Variants in FUT8 observed in about 807,000 individuals in gnomAD.
FUT8 encodes fucosyltransferase 8, also known as alpha-(1,6)-fucosyltransferase.
A neutral mutation model predicts 71.3 loss-of-function variants in FUT8; 29 were observed. The observed-to-expected ratio is 0.41, with a 90% CI of 0.30 to 0.55. The LOEUF (loss-of-function observed/expected upper bound fraction) is 0.55, where lower values mean the gene tolerates loss of function less well. Among genes scored for constraint, FUT8 ranks in the 20% least tolerant of loss-of-function variants. The pLI, the probability that FUT8 is intolerant of heterozygous loss-of-function variation, is 0.34. For missense variants in FUT8, 544 were observed against 702.1 expected (o/e 0.77, Z 2.55); for synonymous variants, 254 against 239.3 (o/e 1.06, Z -0.57).
At chr14:65,738,412 C>T (rs1269749006) in intron 10 of FUT8, among the ~76,000 whole-genome samples, 2 of 151,988 alleles carry the variant, frequency 1.3e-5, no homozygotes, top group African/African-American at 4.8e-5. Flanking sequence ...GGATTCCTCC[C>T]CCTTTTTAAA....
At position 65,677,153 on chromosome 14, in the gene FUT8, C is replaced by CGCGT. The variant is rs1228622576; in HGVS notation, c.835+7676_835+7677insTGCG. On this transcript the variant is annotated intron_variant, in intron 7 of 10. Transcript: ENST00000673929. The stretch of plus-strand genomic sequence containing the variant: ...GTGTGTGTGTGTGTGTGTGTGTGTG[C>CGCGT]GCGCGCGCATGCGCGCGCACGTATG... 2.9e-4 allele frequency among the ~76,000 whole-genome samples: 19 copies of CGCGT among 64,770 alleles called. No homozygotes were observed. The South Asian group carries it at 5.2e-3, about 18-fold the overall frequency. 42.5% of individuals were successfully genotyped at this position (64,770 alleles called of 152,430 possible).
upstream of FUT8, chr14:65,411,872 T>G (rs1005538118): frequency 5.5e-6 from 2 of 365,128 alleles, no homozygotes; most frequent in African/African-American, 4.3e-5. Flanking sequence ...CGCGACTACT[T>G]TGTGTGCTGG....
rs138460626 is a variant in FUT8, at chr14:65,598,207, G to A, written c.204-17771G>A. Among the ~76,000 whole-genome samples the A allele has an allele frequency of 2.9e-3, 434 of 152,150 alleles. 5 individuals carry two copies. The highest frequency in any genetic ancestry group is 9.5e-3 in the African/African-American group (395 of 41,518). Reference sequence around the variant, plus strand: ...TATTATGTAACAGTCATACAGTTTGGCTGTATTTACTAAAAAAAAATTTTT... The same window carrying A: ...TATTATGTAACAGTCATACAGTTTGACTGTATTTACTAAAAAAAAATTTTT... On this transcript the variant is annotated intron_variant, in intron 3 of 10. Transcript: ENST00000673929.
chr14:65,508,123 A>G (rs1224006138), intron 2 of FUT8, among the ~76,000 whole-genome samples: 3 of 141,262 alleles, frequency 2.1e-5, no homozygotes, highest in Admixed American at 7.6e-5. Context: ...GCTGGAGTGC[A>G]GTAGCATGAT....
chr14:65,412,293 C>T (rs764805796), upstream of FUT8: 5 of 456,724 alleles, frequency 1.1e-5, 1 homozygote, highest in South Asian at 6.2e-5. Flanking sequence ...GCAGCGCGCA[C>T]CCCTAAAAGT....
chr14:65,734,494 G>A (rs1046689147), intron 10 of FUT8, among the ~76,000 whole-genome samples: 3 of 152,128 alleles, frequency 2.0e-5, no homozygotes, highest in Admixed American at 6.5e-5. Flanking sequence ...CACAGAACAC[G>A]TAGCAGCAAT....
At chr14:65,675,269 T>C (rs1406429032) in intron 7 of FUT8, among the ~76,000 whole-genome samples, 1 of 152,248 alleles carries the variant, frequency 6.6e-6, no homozygotes. Flanking sequence ...TTTTCGTGTT[T>C]ATCCTGTAAG....
chr14:65,629,709 A>T, intron 6 of FUT8, 103 bp downstream of exon 6: 1 of 745,300 alleles, frequency 1.3e-6, no homozygotes, highest in Non-Finnish European at 2.3e-6. Context: ...TGGCCCTTGA[A>T]AATCAGTACT....
chr14:65,373,854 C>G, the FUT8 span, among the ~76,000 whole-genome samples: 1 of 152,222 alleles, frequency 6.6e-6, no homozygotes, highest in Admixed American at 6.5e-5. Context: ...CACCATCCGT[C>G]CGTCTTTCTT....
At chr14:65,719,878 A>G (rs1895323955) in intron 7 of FUT8, among the ~76,000 whole-genome samples, 1 of 152,112 alleles carries the variant, frequency 6.6e-6, no homozygotes, top group African/African-American at 2.4e-5. Context: ...TTTTGTGGCT[A>G]CCACCACTGG....
In FUT8 at chr14:65,729,034, G is replaced by GTTTTTTTTTTT. The variant is rs557668131; in HGVS notation, c.1260-4185_1260-4175dup. On this transcript the variant is annotated intron_variant, in intron 9 of 10. Transcript: ENST00000673929. Reference sequence around the variant, plus strand: ...TTGCTAAAATAGTCATTGTAAACATGTTTTTTTTTTTTTTTTTTTTTTGCT... The same window carrying GTTTTTTTTTTT: ...TTGCTAAAATAGTCATTGTAAACATGTTTTTTTTTTTTTTTTTTTTTTTTTTTTTTTTTGCT... Among the ~76,000 whole-genome samples the GTTTTTTTTTTT allele has an allele frequency of 3.9e-5, 4 of 103,664 alleles. 1 individual carries two copies. Among genetic ancestry groups the GTTTTTTTTTTT allele is most frequent in the Non-Finnish European group, 5.5e-5 (3 of 54,262 alleles). 68.0% of individuals were successfully genotyped at this position (103,664 alleles called of 152,430 possible).
intron 3 of FUT8, among the ~76,000 whole-genome samples, chr14:65,601,951 T>TA (rs1314675894): frequency 6.6e-6 from 1 of 152,136 alleles, no homozygotes; most frequent in Non-Finnish European, 1.5e-5. Context: ...ACCTTTTTTT[T>TA]ATCTTTTGAA....
intron 2 of FUT8, among the ~76,000 whole-genome samples, chr14:65,529,732 T>C (rs1381676850): frequency 1.3e-5 from 2 of 152,248 alleles, no homozygotes; most frequent in Non-Finnish European, 1.5e-5. Context: ...AGAGGCATGC[T>C]CAGTGGCAGC....
At chr14:65,360,607 C>G in the FUT8 span, among the ~76,000 whole-genome samples, 1 of 152,326 alleles carries the variant, frequency 6.6e-6, no homozygotes, top group Non-Finnish European at 1.5e-5. Context: ...GAGCTCTGCA[C>G]TGGATAATGA....
At chr14:65,431,538 C>T (rs531436691) in intron 1 of FUT8, among the ~76,000 whole-genome samples, 2 of 151,830 alleles carry the variant, frequency 1.3e-5, no homozygotes, top group Non-Finnish European at 2.9e-5. Context: ...GTCTTGAACA[C>T]CTGGCCTCAA....
the FUT8 span, among the ~76,000 whole-genome samples, chr14:65,368,211 G>C: frequency 5.3e-5 from 8 of 150,436 alleles, no homozygotes; most frequent in Non-Finnish European, 1.0e-4. Flanking sequence ...GTGCCACCAC[G>C]CCCGGCTAAT....
At chr14:65,535,723 G>C (rs913083099) in intron 2 of FUT8, among the ~76,000 whole-genome samples, 2 of 152,208 alleles carry the variant, frequency 1.3e-5, no homozygotes, top group African/African-American at 4.8e-5. Flanking sequence ...TTTAGAGTAT[G>C]TGCCATGTGC....
At chr14:65,392,952 C>T in the FUT8 span, among the ~76,000 whole-genome samples, 39 of 152,256 alleles carry the variant, frequency 2.6e-4, no homozygotes, top group East Asian at 6.6e-3. Flanking sequence ...AAAAATGATT[C>T]GCTGTTTATT....
chr14:65,574,752 A>T lies in FUT8; in HGVS notation c.203+12986A>T, dbSNP rs368931849. Among the ~76,000 whole-genome samples, 6 of 152,342 alleles carry T rather than the reference A, an allele frequency of 3.9e-5. No individual in the cohort carries two copies. In the East Asian group the frequency reaches 5.8e-4, roughly 15 times the overall value. On this transcript the variant is annotated intron_variant, in intron 3 of 10. Coordinates refer to ENST00000673929, the MANE Select transcript of FUT8 (RefSeq NM_001371533.1). This position sits in a 1 kb window ranked among gnomAD's most constrained non-coding sequence, Gnocchi z 5.2. ...TTGTTACCACATGATTTCAGACTAA[A>T]CATTTCAATCACAGTGAACTTCATT...
Sources: allele counts gnomAD v4.1 joint callset (sites outside exome capture counted in the v4.1 genomes callset), GRCh38; gene constraint gnomAD v4.1.1; non-coding constraint Gnocchi (gnomAD v3.1); transcripts MANE v1.5; gene names NCBI Gene and HGNC (gene_info 2026-07-23, HGNC 2026-07-21).